The following ANKRD30A variants were observed in gnomAD, a reference collection of about 807,000 sequenced individuals.
The protein encoded by ANKRD30A is ankyrin repeat domain 30A.
ANKRD30A carries 170 observed loss-of-function variants against 166.3 expected under a neutral mutation model. The ratio of observed to expected loss-of-function variants is 1.02; its 90% CI spans 0.90 to 1.16. ANKRD30A has a LOEUF of 1.16. Among genes scored for constraint, ANKRD30A ranks in the 50% most tolerant of loss-of-function variants. ANKRD30A has a pLI of 0.00. For synonymous variants in ANKRD30A, 564 were observed against 508.9 expected, an observed-to-expected ratio of 1.11 and a Z score of -1.46; for missense variants, 1,630 against 1,518.0, an observed-to-expected ratio of 1.07 and a Z score of -1.23.
At chr10:37,247,765 C>T in the ANKRD30A span, among the ~76,000 whole-genome samples, 1 of 151,086 alleles carries the variant, frequency 6.6e-6, no homozygotes, top group Non-Finnish European at 1.5e-5. Flanking sequence ...GCCTGTAGTC[C>T]CAGCTACTCC....
At chr10:37,237,498 A>G (rs1352930967), downstream of ANKRD30A, among the ~76,000 whole-genome samples, 2 of 152,146 alleles carry the variant, frequency 1.3e-5, no homozygotes, top group African/African-American at 2.4e-5. Flanking sequence ...TTAGATTTCT[A>G]TGGGACATCG....
At chr10:37,146,088 G>A (rs1425664913) in intron 8 of ANKRD30A, among the ~76,000 whole-genome samples, 1 of 152,230 alleles carries the variant, frequency 6.6e-6, no homozygotes, top group Non-Finnish European at 1.5e-5. Flanking sequence ...TTAGATCCAA[G>A]CCCCTGCTGC....
chr10:37,164,548 C>T (rs1449000139), intron 17 of ANKRD30A, among the ~76,000 whole-genome samples: 1 of 152,144 alleles, frequency 6.6e-6, no homozygotes, highest in African/African-American at 2.4e-5. Flanking sequence ...AAAGCATATA[C>T]ACACGCAAAA....
At chr10:37,152,241 A>AT in intron 12 of ANKRD30A, 120 bp downstream of exon 12, 2 of 806,178 alleles carry the variant, frequency 2.5e-6, no homozygotes, top group Non-Finnish European at 3.9e-6. Flanking sequence ...TATTTTTGAT[A>AT]TTTTTCAGAA....
At position 37,198,671 on chromosome 10, in the gene ANKRD30A, C is replaced by A. The variant is rs1362334260; in HGVS notation, c.2717-1056C>A. 3.3e-5 allele frequency among the ~76,000 whole-genome samples: 5 copies of A among 152,004 alleles called. No homozygotes were observed. The South Asian group carries it at 1.0e-3, about 32-fold the overall frequency. ...AAAAATGAGTGAAAACGGTGGCTTACCAAAGTATGATTTAAGTTTCTTCGA... is the reference window on the plus strand; with the variant it reads ...AAAAATGAGTGAAAACGGTGGCTTAACAAAGTATGATTTAAGTTTCTTCGA... On this transcript the variant is annotated intron_variant, in intron 29 of 35. Transcript: ENST00000361713.
Position 37,197,263 on chromosome 10 carries a change from A to G in ANKRD30A, c.2615-18A>G, listed in dbSNP as rs1300633260. 1.1e-5 allele frequency: 17 copies of G among 1,610,418 alleles called. No individual in the cohort carries two copies. The highest frequency in any genetic ancestry group is 1.4e-5 in the Non-Finnish European group (17 of 1,177,578). ...CATATTTACTTATGATTGATGATAA[A>G]TCTCTTTTGCTTTTTAGAGCCTCCC... On this transcript the variant is annotated intron_variant, in intron 27 of 35. Coordinates refer to ENST00000361713, the MANE Select transcript of ANKRD30A (RefSeq NM_052997.3).
At chr10:37,205,591 T>G (rs1588922286) in intron 31 of ANKRD30A, among the ~76,000 whole-genome samples, 1 of 151,968 alleles carries the variant, frequency 6.6e-6, no homozygotes, top group Non-Finnish European at 1.5e-5. Flanking sequence ...TAGAACTTAA[T>G]GTATAATAAC....
chr10:37,153,963 G>A (rs17606200), intron 13 of ANKRD30A, among the ~76,000 whole-genome samples: 5 of 152,258 alleles, frequency 3.3e-5, no homozygotes, highest in South Asian at 2.1e-4. Context: ...AAGACAGAAC[G>A]TACAGAGAGT....
At chr10:37,195,736 T>C (rs1282048484) in intron 27 of ANKRD30A, among the ~76,000 whole-genome samples, 1 of 152,136 alleles carries the variant, frequency 6.6e-6, no homozygotes, top group Non-Finnish European at 1.5e-5. Flanking sequence ...CTACTAAAAA[T>C]ACAAAAAATT....
intron 25 of ANKRD30A, among the ~76,000 whole-genome samples, chr10:37,191,689 G>T (rs1232874312): frequency 6.6e-6 from 1 of 151,886 alleles, no homozygotes; most frequent in Non-Finnish European, 1.5e-5. Context: ...CGATTAGCTT[G>T]TTTTTCATTT....
intron 34 of ANKRD30A, among the ~76,000 whole-genome samples, chr10:37,230,562 C>T (rs1564602131): frequency 1.3e-5 from 2 of 151,888 alleles, no homozygotes; most frequent in Non-Finnish European, 2.9e-5. Context: ...TCAGCATGTC[C>T]CCAAATAGAA....
chr10:37,256,740 A>G, the ANKRD30A span, among the ~76,000 whole-genome samples: 1 of 152,198 alleles, frequency 6.6e-6, no homozygotes, highest in African/African-American at 2.4e-5. Context: ...ATGCCTTTTA[A>G]AAAAGTATTG....
At chr10:37,239,887 A>G in the ANKRD30A span, among the ~76,000 whole-genome samples, 3 of 152,154 alleles carry the variant, frequency 2.0e-5, no homozygotes, top group African/African-American at 7.2e-5. Flanking sequence ...CATTTTCAGG[A>G]TAGTTTCTCT....
At chr10:37,265,226 C>T in the ANKRD30A span, among the ~76,000 whole-genome samples, 15 of 152,170 alleles carry the variant, frequency 9.9e-5, no homozygotes, top group Non-Finnish European at 1.8e-4. Context: ...AGCCATCAAC[C>T]GTGATGAACT....
At chr10:37,147,599 T>G in intron 9 of ANKRD30A, 142 bp downstream of exon 9, 1 of 521,268 alleles carries the variant, frequency 1.9e-6, no homozygotes, top group Non-Finnish European at 3.3e-6. Context: ...ATAAGTTATG[T>G]ATCTTTTCAG....
At chr10:37,217,149 C>CA (rs1348361022) in intron 32 of ANKRD30A, among the ~76,000 whole-genome samples, 1 of 150,588 alleles carries the variant, frequency 6.6e-6, no homozygotes, top group Non-Finnish European at 1.5e-5. Context: ...AAGCATTACT[C>CA]AAAAAAGAAA....
At chr10:37,253,606 C>G in the ANKRD30A span, among the ~76,000 whole-genome samples, 2 of 151,056 alleles carry the variant, frequency 1.3e-5, no homozygotes, top group Non-Finnish European at 2.9e-5. Context: ...AATATGTGGC[C>G]TTTGGTATCT....
At chr10:37,205,406 A>T (rs185526329) in intron 31 of ANKRD30A, among the ~76,000 whole-genome samples, 9 of 147,212 alleles carry the variant, frequency 6.1e-5, no homozygotes, top group African/African-American at 2.0e-4. Flanking sequence ...CAATGAGAAC[A>T]CTTGGACACA....
chr10:37,161,752 A>G (rs1009032155), intron 15 of ANKRD30A, among the ~76,000 whole-genome samples: 1 of 152,178 alleles, frequency 6.6e-6, no homozygotes, highest in Non-Finnish European at 1.5e-5. Context: ...TACAAATGAC[A>G]CATATTGAAA....
Sources: allele counts gnomAD v4.1 joint callset (sites outside exome capture counted in the v4.1 genomes callset), GRCh38; gene constraint gnomAD v4.1.1; transcripts MANE v1.5; gene names NCBI Gene and HGNC (gene_info 2026-07-23, HGNC 2026-07-21).